PLD5: variants seen among roughly 807,000 people sequenced by gnomAD.
The protein encoded by PLD5 is inactive phospholipase D5.
In PLD5, 36 loss-of-function variants were observed where a neutral mutation model predicts 61.1. The observed-to-expected ratio is 0.59, with a 90% CI of 0.45 to 0.78. The LOEUF (loss-of-function observed/expected upper bound fraction) is 0.78. Among genes scored for constraint, PLD5 ranks in the 30% least tolerant of loss-of-function variants. The probability of loss-of-function intolerance (pLI) is 0.00; values close to 1 mark genes in which losing one functional copy is unlikely to be tolerated. For missense variants in PLD5, 515 were observed against 644.4 expected (o/e 0.80, Z 2.17); for synonymous variants, 243 against 242.8 (o/e 1.00, Z -0.01).
intron 2 of PLD5, among the ~76,000 whole-genome samples, chr1:242,290,054 C>A (rs1325351606): frequency 2.7e-5 from 4 of 150,922 alleles, no homozygotes; most frequent in Admixed American, 1.3e-4. Context: ...ACAGGGCAGG[C>A]AAATCACTAT....
Position 242,311,474 on chromosome 1 carries a change from A to G in PLD5, c.327-22944T>C, listed in dbSNP as rs528387226. 1.7e-4 allele frequency among the ~76,000 whole-genome samples: 26 copies of G among 152,256 alleles called. No individual in the cohort carries two copies. The East Asian group carries it at 4.8e-3, about 28-fold the overall frequency. ...TGATGCTGATGCTGTAGGCCCAGGG[A>G]CCACACTTTGAGAACCACTGGTTAA... On this transcript the variant is annotated intron_variant, in intron 2 of 9. Transcript: ENST00000536534.
chr1:242,465,936 G>A (rs929179311), intron 1 of PLD5, among the ~76,000 whole-genome samples: 2 of 152,304 alleles, frequency 1.3e-5, no homozygotes, highest in African/African-American at 4.8e-5. Context: ...CTCATGGAGG[G>A]AAAGAAAACA....
In PLD5 at chr1:242,187,140, T is replaced by C. The variant is rs573429847; in HGVS notation, c.735+32848A>G. On this transcript the variant is annotated intron_variant, in intron 5 of 9. Transcript: ENST00000536534. ...CCAGAGACGGTCAGGTGGCAGCCAG[T>C]GAAATGTAAGAGAAGTGCCTAGGGG... Among the ~76,000 whole-genome samples the C allele has an allele frequency of 7.5e-4, 114 of 152,228 alleles. No homozygotes were observed. The South Asian group carries it at 0.011, about 15-fold the overall frequency.
At chr1:242,207,462 T>C (rs316857) in intron 5 of PLD5, among the ~76,000 whole-genome samples, 127,980 of 152,032 alleles carry the variant, frequency 0.84, 54,109 homozygotes, top group South Asian at 0.94. Flanking sequence ...TTCTTGCCTT[T>C]TCCAGTTCTA....
At chr1:242,311,391 T>A (rs1676689804) in intron 2 of PLD5, among the ~76,000 whole-genome samples, 1 of 152,214 alleles carries the variant, frequency 6.6e-6, no homozygotes, top group Non-Finnish European at 1.5e-5. Context: ...CATTTCTGAT[T>A]CAGGAGGTCA....
chr1:242,282,193 A>G (rs28488168), intron 3 of PLD5, among the ~76,000 whole-genome samples: 188 of 152,342 alleles, frequency 1.2e-3, no homozygotes, highest in Non-Finnish European at 2.2e-3. Context: ...CTTCACAGGT[A>G]TTAACTGATT....
chr1:242,209,038 C>CT (rs1477631350), intron 5 of PLD5: 2 of 152,176 alleles, frequency 1.3e-5, no homozygotes, highest in African/African-American at 4.8e-5. Flanking sequence ...ATAAATGTGA[C>CT]TTTTTCTAAA....
chr1:242,339,906 A>T (rs1293474838), intron 2 of PLD5, among the ~76,000 whole-genome samples: 1 of 152,226 alleles, frequency 6.6e-6, no homozygotes, highest in African/African-American at 2.4e-5. Flanking sequence ...ACTGGAAAAG[A>T]GAGGGAGCCA....
intron 5 of PLD5, among the ~76,000 whole-genome samples, chr1:242,174,760 G>A (rs949046845): frequency 1.3e-5 from 2 of 151,964 alleles, no homozygotes; most frequent in Non-Finnish European, 2.9e-5. Context: ...GGACATGGAT[G>A]AAGCTGGAAA....
intron 4 of PLD5, among the ~76,000 whole-genome samples, chr1:242,258,236 G>A (rs1447580741): frequency 6.6e-6 from 1 of 152,076 alleles, no homozygotes; most frequent in African/African-American, 2.4e-5. Context: ...CATCAAGGGG[G>A]TCTGTAAAGA....
At chr1:242,437,433 A>T (rs1231973782) in intron 1 of PLD5, among the ~76,000 whole-genome samples, 2 of 152,148 alleles carry the variant, frequency 1.3e-5, no homozygotes, top group Admixed American at 6.6e-5. Context: ...ATGGTGGCTC[A>T]CACCTGTAAT....
intron 5 of PLD5, among the ~76,000 whole-genome samples, chr1:242,157,146 G>A (rs555367117): frequency 3.3e-5 from 5 of 151,854 alleles, no homozygotes; most frequent in African/African-American, 7.3e-5. Flanking sequence ...TGATCAATTC[G>A]GCTATTGATA....
intron 5 of PLD5, among the ~76,000 whole-genome samples, chr1:242,207,840 ATTTATATATATTTATATATT>A (rs1669468730): frequency 7.9e-5 from 3 of 37,836 alleles, no homozygotes; most frequent in South Asian, 2.7e-3. Context: ...ATATTTATAT[ATTTATATATATTTATATATT>A]TATATATTTA....
chr1:242,151,525 C>T (rs1205246329), intron 5 of PLD5, among the ~76,000 whole-genome samples: 1 of 152,002 alleles, frequency 6.6e-6, no homozygotes, highest in African/African-American at 2.4e-5. Context: ...GTAGGCTCCT[C>T]TAACTCTTGT....
chr1:242,524,346 G>T lies in PLD5; in HGVS notation c.-70C>A, dbSNP rs1187450526. 7.6e-7 allele frequency: 1 copy of T among 1,323,832 alleles called. No individual in the cohort carries two copies. The highest frequency in any genetic ancestry group is 9.7e-7 in the Non-Finnish European group (1 of 1,035,572). The allele number at this position is 1,323,832 out of a possible 1,614,324, so 82.0% of individuals were successfully genotyped here. ...GGGCGCGCGGGGAGCCGGGCGCGGA[G>T]GGCGAGCGGGAGGCCCAGCGGGAGC... is the stretch of plus-strand genomic sequence containing the variant. On this transcript the variant is annotated 5_prime_UTR_variant, in exon 1 of 10. Coordinates refer to ENST00000536534, the MANE Select transcript of PLD5 (RefSeq NM_001372062.1).
At chr1:242,252,547 C>T (rs1414679866) in intron 4 of PLD5, among the ~76,000 whole-genome samples, 2 of 151,666 alleles carry the variant, frequency 1.3e-5, no homozygotes, top group Non-Finnish European at 2.9e-5. Context: ...ACTATCTCTA[C>T]AACAAAGAAA....
intron 2 of PLD5, among the ~76,000 whole-genome samples, chr1:242,347,850 A>T (rs1660227978): frequency 6.6e-6 from 1 of 152,180 alleles, no homozygotes; most frequent in African/African-American, 2.4e-5. Context: ...GGTCTCCAGA[A>T]ATGCTGACTG....
At chr1:242,152,353 C>A (rs1437197098) in intron 5 of PLD5, among the ~76,000 whole-genome samples, 1 of 151,730 alleles carries the variant, frequency 6.6e-6, no homozygotes, top group Non-Finnish European at 1.5e-5. Context: ...AGGATAATGT[C>A]CCTATTTTTT....
intron 5 of PLD5, among the ~76,000 whole-genome samples, chr1:242,193,902 G>A (rs1005345417): frequency 1.3e-5 from 2 of 152,186 alleles, no homozygotes; most frequent in African/African-American, 4.8e-5. Flanking sequence ...TCCTTCCAAA[G>A]TCTTCACTGT....
Sources: allele counts gnomAD v4.1 joint callset (sites outside exome capture counted in the v4.1 genomes callset), GRCh38; gene constraint gnomAD v4.1.1; transcripts MANE v1.5; gene names NCBI Gene and HGNC (gene_info 2026-07-23, HGNC 2026-07-21).